Variants in SGCZ observed in about 807,000 individuals in gnomAD.
SGCZ encodes zeta-sarcoglycan.
A neutral mutation model predicts 41.3 loss-of-function variants in SGCZ; 40 were observed. That is an observed-to-expected ratio of 0.97 (90% CI 0.75 to 1.26). The LOEUF (loss-of-function observed/expected upper bound fraction) is 1.26, where lower values mean the gene tolerates loss of function less well. SGCZ is among the 50% of genes most tolerant of loss of function. The pLI is 0.00. For synonymous variants in SGCZ, 206 were observed against 137.5 expected, an observed-to-expected ratio of 1.50 and a Z score of -3.49; for missense variants, 552 against 369.8, an observed-to-expected ratio of 1.49 and a Z score of -4.04.
At chr8:14,107,996 C>G (rs1463782126) in intron 6 of SGCZ, among the ~76,000 whole-genome samples, 167 bp downstream of exon 6, 1 of 151,624 alleles carries the variant, frequency 6.6e-6, no homozygotes, top group Non-Finnish European at 1.5e-5. Flanking sequence ...CTGCCTTTGC[C>G]TTTTCTTTTT....
At chr8:15,176,170 A>C (rs773193843) in intron 1 of SGCZ, among the ~76,000 whole-genome samples, 2 of 152,228 alleles carry the variant, frequency 1.3e-5, no homozygotes, top group African/African-American at 2.4e-5. Context: ...AGCTCAGTTA[A>C]ATAGGTTTGG....
intron 1 of SGCZ, among the ~76,000 whole-genome samples, chr8:15,126,594 C>A (rs1807696902): frequency 1.3e-5 from 2 of 152,120 alleles, no homozygotes; most frequent in South Asian, 4.1e-4. Context: ...AATACAAGGT[C>A]TAGCAAGGTT....
At chr8:14,859,778 C>A (rs1034614920) in intron 1 of SGCZ, among the ~76,000 whole-genome samples, 5 of 152,026 alleles carry the variant, frequency 3.3e-5, no homozygotes, top group Non-Finnish European at 7.4e-5. Flanking sequence ...GCAAAATAAT[C>A]TAAAAAGGAA....
chr8:14,724,710 T>C (rs1217997956), intron 1 of SGCZ, among the ~76,000 whole-genome samples: 2 of 151,332 alleles, frequency 1.3e-5, no homozygotes. Flanking sequence ...TGCATATTTA[T>C]TTTTATGAAT....
chr8:15,054,961 C>A (rs1385490737), intron 1 of SGCZ, among the ~76,000 whole-genome samples: 19 of 142,552 alleles, frequency 1.3e-4, no homozygotes, highest in African/African-American at 2.4e-4. Context: ...GACTCCATCT[C>A]AAAAAAAAAA....
At chr8:14,661,574 C>G (rs1008572647) in intron 1 of SGCZ, among the ~76,000 whole-genome samples, 2 of 152,128 alleles carry the variant, frequency 1.3e-5, no homozygotes, top group African/African-American at 2.4e-5. Flanking sequence ...TCATCCCTGA[C>G]TTCTTGGGAG....
At chr8:14,213,653 A>T (rs1805892639) in intron 4 of SGCZ, among the ~76,000 whole-genome samples, 1 of 152,128 alleles carries the variant, frequency 6.6e-6, no homozygotes, top group Admixed American at 6.6e-5. Context: ...ACGTAGAACA[A>T]ATATAATAGA....
intron 1 of SGCZ, among the ~76,000 whole-genome samples, chr8:15,033,466 G>A (rs1039345552): frequency 6.6e-6 from 1 of 152,056 alleles, no homozygotes. Context: ...GCAGGCTGCA[G>A]AAGACCTAGG....
At chr8:14,201,151 G>A (rs1002709164) in intron 4 of SGCZ, among the ~76,000 whole-genome samples, 33 of 152,080 alleles carry the variant, frequency 2.2e-4, no homozygotes, top group African/African-American at 7.2e-4. Flanking sequence ...AGAATGAAGC[G>A]AAATGCTCAT....
intron 1 of SGCZ, among the ~76,000 whole-genome samples, chr8:14,681,581 T>C (rs981191552): frequency 2.0e-5 from 3 of 152,220 alleles, no homozygotes; most frequent in Non-Finnish European, 1.5e-5. Flanking sequence ...AAAGTTATGA[T>C]GGTCTTCGAA....
chr8:14,111,186 T>C (rs1802360552), intron 5 of SGCZ, among the ~76,000 whole-genome samples: 1 of 152,178 alleles, frequency 6.6e-6, no homozygotes, highest in South Asian at 2.1e-4. Flanking sequence ...ACTGAGCTCA[T>C]TTGAATTTCA....
chr8:14,354,713 G>C (rs998674368), intron 2 of SGCZ, among the ~76,000 whole-genome samples: 6 of 151,534 alleles, frequency 4.0e-5, no homozygotes, highest in Non-Finnish European at 8.9e-5. Flanking sequence ...CTCTAAACAT[G>C]TATACAAAAG....
intron 1 of SGCZ, among the ~76,000 whole-genome samples, chr8:14,971,884 G>C (rs747799883): frequency 2.0e-5 from 3 of 151,936 alleles, no homozygotes; most frequent in Non-Finnish European, 4.4e-5. Context: ...ACTTGGTCTC[G>C]TGATCACCCT....
chr8:14,294,520 A>G (rs1800947889), intron 3 of SGCZ, among the ~76,000 whole-genome samples: 1 of 152,054 alleles, frequency 6.6e-6, no homozygotes, highest in Admixed American at 6.6e-5. Context: ...TAGATACAGT[A>G]CCAAAATCAT....
chr8:14,942,412 T>A (rs1800305654), intron 1 of SGCZ, among the ~76,000 whole-genome samples: 1 of 152,164 alleles, frequency 6.6e-6, no homozygotes. Flanking sequence ...TAGCAATTAA[T>A]TCCTGGGGTA....
At position 15,031,851 on chromosome 8, in the gene SGCZ, A is replaced by G. The variant is rs1246949879; in HGVS notation, c.39+205734T>C. Among the ~76,000 whole-genome samples, 6 of 147,830 alleles carry G rather than the reference A, an allele frequency of 4.1e-5. No individual in the cohort carries two copies. The South Asian group carries it at 1.1e-3, about 26-fold the overall frequency. The stretch of plus-strand genomic sequence containing the variant: ...CTCTACGTTGCAGTCGGCCAGCGCT[A>G]TTTTCAATAACTCTAACTCTATACT... On this transcript the variant is annotated intron_variant, in intron 1 of 7. Transcript: ENST00000382080.
chr8:14,844,112 T>A (rs935885219), intron 1 of SGCZ, among the ~76,000 whole-genome samples: 5 of 152,074 alleles, frequency 3.3e-5, no homozygotes, highest in Non-Finnish European at 4.4e-5. Context: ...AGGACCTCCA[T>A]GTATACTGTA....
At chr8:14,295,892 GT>G (rs1563241511) in intron 3 of SGCZ, among the ~76,000 whole-genome samples, 1 of 152,096 alleles carries the variant, frequency 6.6e-6, no homozygotes, top group Admixed American at 6.6e-5. Flanking sequence ...TTCTGCATAA[GT>G]CCCCTATTAG....
At chr8:14,257,411 T>C (rs1799504157) in intron 3 of SGCZ, among the ~76,000 whole-genome samples, 1 of 151,852 alleles carries the variant, frequency 6.6e-6, no homozygotes, top group Non-Finnish European at 1.5e-5. Flanking sequence ...AGGTTTCCTC[T>C]TTTACTCTAA....
Sources: gnomAD v4.1 joint callset for allele counts (sites outside exome capture counted in the v4.1 genomes callset) on GRCh38, gnomAD v4.1.1 for gene constraint, MANE v1.5 for transcripts, NCBI Gene and HGNC (gene_info 2026-07-23, HGNC 2026-07-21) for gene names.